Variants in RAI1 observed in about 807,000 individuals in gnomAD.
RAI1 encodes the protein retinoic acid induced 1, also known as retinoic acid-induced protein 1.
Under a neutral mutation model 123.8 loss-of-function variants are expected in RAI1, and 9 were observed. The ratio of observed to expected loss-of-function variants is 0.07; its 90% CI spans 0.04 to 0.13. The LOEUF (loss-of-function observed/expected upper bound fraction) is 0.13, where lower values mean the gene tolerates loss of function less well. Ranked by LOEUF, RAI1 falls within the 10% of genes least tolerant of loss-of-function variation. The probability of loss-of-function intolerance (pLI) is 1.00; values close to 1 mark genes in which losing one functional copy is unlikely to be tolerated. For synonymous variants in RAI1, 1,231 were observed against 1,127.3 expected, an observed-to-expected ratio of 1.09 and a Z score of -1.84; for missense variants, 2,256 against 2,545.8, an observed-to-expected ratio of 0.89 and a Z score of 2.45.
intron 2 of RAI1, among the ~76,000 whole-genome samples, chr17:17,742,607 T>G (rs746084910): frequency 1.3e-5 from 2 of 152,166 alleles, no homozygotes; most frequent in African/African-American, 4.8e-5. Context: ...TAACAAATAA[T>G]ATGCACTCGT....
intron 1 of RAI1, among the ~76,000 whole-genome samples, chr17:17,695,475 T>C (rs991633177): frequency 1.3e-5 from 2 of 151,378 alleles, no homozygotes; most frequent in African/African-American, 4.8e-5. Context: ...TCTCGTGCCC[T>C]AAGTCCCTAG....
At position 17,795,183 on chromosome 17, in the gene RAI1, C is replaced by T. The variant is rs745825746; in HGVS notation, c.2235C>T (p.Ala745=). 4 of 1,614,076 alleles carry T rather than the reference C, an allele frequency of 2.5e-6. No individual in the cohort carries two copies. Among genetic ancestry groups the T allele is most frequent in the Non-Finnish European group, 3.4e-6 (4 of 1,180,034 alleles). ...ASSADSANPF[A]WPEENLGDAC... ...CAGCGGACAGCGCCAACCCCTTTGC[C>T]TGGCCAGAGGAAAACCTGGGGGATG... Residue 745 remains alanine (A), a synonymous_variant, in exon 3 of 6, where the codon GCC becomes GCT. Transcript: ENST00000353383. This position sits in a 1 kb window ranked among gnomAD's most constrained non-coding sequence, Gnocchi z 5.9.
At chr17:17,684,155 G>C (rs980804021) in intron 1 of RAI1, 3 of 152,096 alleles carry the variant, frequency 2.0e-5, no homozygotes, top group Non-Finnish European at 4.4e-5. Flanking sequence ...TTACAGGAGT[G>C]AGTCACTGCA....
chr17:17,736,709 A>G (rs1598044435), intron 2 of RAI1, among the ~76,000 whole-genome samples: 2 of 152,352 alleles, frequency 1.3e-5, no homozygotes, highest in African/African-American at 2.4e-5. Context: ...ATTTCTGAAG[A>G]TGAAATGAGA....
chr17:17,718,656 C>T (rs988103591), intron 1 of RAI1, among the ~76,000 whole-genome samples: 1 of 151,812 alleles, frequency 6.6e-6, no homozygotes, highest in Admixed American at 6.6e-5. Flanking sequence ...GAGACAAAAC[C>T]GGATCCATGG....
At chr17:17,722,541 C>A (rs990294172) in intron 1 of RAI1, among the ~76,000 whole-genome samples, 1 of 152,328 alleles carries the variant, frequency 6.6e-6, no homozygotes, top group Admixed American at 6.5e-5. Context: ...AACCTAGAGG[C>A]GCGGTTTGGC....
intron 2 of RAI1, among the ~76,000 whole-genome samples, chr17:17,744,016 T>C (rs1451501517): frequency 1.3e-5 from 2 of 152,218 alleles, no homozygotes; most frequent in East Asian, 1.9e-4. Flanking sequence ...AGACAGTCAT[T>C]GCATTTTTTT....
chr17:17,706,937 T>C (rs1310271935), intron 1 of RAI1, among the ~76,000 whole-genome samples: 1 of 152,262 alleles, frequency 6.6e-6, no homozygotes, highest in Non-Finnish European at 1.5e-5. Flanking sequence ...TGAGCTGGGC[T>C]CTGCCCTAGG....
chr17:17,786,018 T>A (rs2143000024), intron 2 of RAI1, among the ~76,000 whole-genome samples: 1 of 152,318 alleles, frequency 6.6e-6, no homozygotes, highest in East Asian at 1.9e-4. Flanking sequence ...AAATCCTGAT[T>A]TCTGTCTTTT....
chr17:17,715,652 C>G (rs1253221561), intron 1 of RAI1, among the ~76,000 whole-genome samples: 1 of 152,200 alleles, frequency 6.6e-6, no homozygotes, highest in Non-Finnish European at 1.5e-5. Flanking sequence ...CAGCAAGTGT[C>G]CCTCCCGCTC....
In RAI1 at chr17:17,797,468, C is replaced by T. The variant is rs1382004766; in HGVS notation, c.4520C>T (p.Ala1507Val). The stretch of plus-strand genomic sequence containing the variant: ...CCAAAGATGGAGGAGCTGGGCCTGG[C>T]CTCCCAGCCCCCGGAGGGCAGGCCC... ...KKPKMEELGLASQPPEGRPCQ... is the reference protein window; with the variant it reads ...KKPKMEELGLVSQPPEGRPCQ... Residue 1507 changes from alanine to valine, a missense_variant, in exon 3 of 6, where the codon GCC becomes GTC. Ala to Val is a moderately conservative substitution (Grantham distance 64, BLOSUM62 0). Coordinates refer to ENST00000353383, the MANE Select transcript of RAI1 (RefSeq NM_030665.4). 1.2e-6 allele frequency: 2 copies of T among 1,613,156 alleles called. No individual in the cohort carries two copies. The highest frequency in any genetic ancestry group is 4.5e-5 in the East Asian group (2 of 44,862).
At chr17:17,776,726 G>A (rs1352866745) in intron 2 of RAI1, 1 of 140,456 alleles carries the variant, frequency 7.1e-6, no homozygotes, top group African/African-American at 2.8e-5. Context: ...GTGCAGTGGT[G>A]CAGTCACAGC....
In RAI1 at chr17:17,786,082, C is replaced by T. The variant is rs539303402; in HGVS notation, c.-16-6851C>T. On this transcript the variant is annotated intron_variant, in intron 2 of 5. Transcript: ENST00000353383. ...CCCTGGCCTCCCACTCCCAAGTGGC[C>T]GCAGTCCGCTGGTGCTGAGAGGGGC... 2.6e-5 allele frequency among the ~76,000 whole-genome samples: 4 copies of T among 152,308 alleles called. No individual in the cohort carries two copies. The East Asian group carries it at 5.8e-4, about 22-fold the overall frequency.
chr17:17,688,256 G>A (rs545582324), intron 1 of RAI1, among the ~76,000 whole-genome samples: 2 of 151,532 alleles, frequency 1.3e-5, no homozygotes, highest in African/African-American at 2.4e-5. Context: ...AGGCCAAGGC[G>A]GGTGGATCAC....
At chr17:17,742,102 C>T (rs1916654610) in intron 2 of RAI1, among the ~76,000 whole-genome samples, 1 of 152,250 alleles carries the variant, frequency 6.6e-6, no homozygotes, top group African/African-American at 2.4e-5. Context: ...TCTTGGGTGC[C>T]TGCCGGCTCT....
intron 2 of RAI1, among the ~76,000 whole-genome samples, chr17:17,729,271 G>A (rs908029154): frequency 6.6e-6 from 1 of 152,250 alleles, no homozygotes; most frequent in African/African-American, 2.4e-5. Context: ...TCTGTCTGCT[G>A]TAAGCCTTGT....
intron 1 of RAI1, among the ~76,000 whole-genome samples, chr17:17,686,608 T>TGTGTGTGCGCGCGC (rs1491248703): frequency 5.7e-4 from 79 of 137,850 alleles, no homozygotes; most frequent in Admixed American, 1.4e-3. Flanking sequence ...TGTGTGTGTG[T>TGTGTGTGCGCGCGC]GCACGCGCGC....
intron 2 of RAI1, among the ~76,000 whole-genome samples, chr17:17,757,989 C>T (rs913648045): frequency 6.6e-6 from 1 of 152,254 alleles, no homozygotes; most frequent in African/African-American, 2.4e-5. Flanking sequence ...GCTCCCAGCT[C>T]ATGCCTCTGG....
At chr17:17,706,688 C>T (rs915371993) in intron 1 of RAI1, among the ~76,000 whole-genome samples, 2 of 152,128 alleles carry the variant, frequency 1.3e-5, no homozygotes, top group Non-Finnish European at 2.9e-5. Context: ...GGTGAATGGA[C>T]AGGACATTGA....
Sources: gnomAD v4.1 joint callset for allele counts (sites outside exome capture counted in the v4.1 genomes callset) on GRCh38, gnomAD v4.1.1 for gene constraint, Gnocchi (gnomAD v3.1) non-coding constraint, MANE v1.5 for transcripts, NCBI Gene and HGNC (gene_info 2026-07-23, HGNC 2026-07-21) for gene names.